Variants in R3HDM1 observed in about 807,000 individuals in gnomAD.
R3HDM1 encodes R3H domain containing 1, also known as R3H domain-containing protein 1.
A neutral mutation model predicts 141.1 loss-of-function variants in R3HDM1; 46 were observed. That is an observed-to-expected ratio of 0.33 (90% CI 0.26 to 0.42). R3HDM1 has a LOEUF of 0.42. Among genes scored for constraint, R3HDM1 ranks in the 10% least tolerant of loss-of-function variants. R3HDM1 has a pLI of 1.00. For missense variants in R3HDM1, 1,184 were observed against 1,368.3 expected (o/e 0.87, Z 2.12); for synonymous variants, 435 against 472.9 (o/e 0.92, Z 1.04).
At chr2:135,704,760 C>CT (rs1203378542) in intron 21 of R3HDM1, among the ~76,000 whole-genome samples, 2 of 152,104 alleles carry the variant, frequency 1.3e-5, no homozygotes, top group Non-Finnish European at 2.9e-5. Context: ...CACCCAGCCT[C>CT]TTACAGAGTT....
At chr2:135,655,894 G>T (rs1202995826) in intron 18 of R3HDM1, among the ~76,000 whole-genome samples, 2 of 152,120 alleles carry the variant, frequency 1.3e-5, no homozygotes, top group Non-Finnish European at 2.9e-5. Flanking sequence ...AAGACCTTTG[G>T]AGTGTTGATA....
At chr2:135,642,935 C>T (rs2063957863) in intron 15 of R3HDM1, among the ~76,000 whole-genome samples, 1 of 152,098 alleles carries the variant, frequency 6.6e-6, no homozygotes, top group Non-Finnish European at 1.5e-5. Context: ...TATTATGTTA[C>T]TAACATTCCT....
intron 1 of R3HDM1, among the ~76,000 whole-genome samples, chr2:135,545,388 G>A (rs532433285): frequency 2.4e-4 from 37 of 152,268 alleles, no homozygotes; most frequent in African/African-American, 7.5e-4. Flanking sequence ...GTTGAGGTTA[G>A]AACATGATGG....
chr2:135,637,189 G>A (rs965751511), intron 11 of R3HDM1, among the ~76,000 whole-genome samples: 5 of 152,158 alleles, frequency 3.3e-5, no homozygotes, highest in African/African-American at 4.8e-5. Context: ...ATAGAGACAT[G>A]AAGGTGTAAT....
intron 1 of R3HDM1, among the ~76,000 whole-genome samples, chr2:135,565,163 C>A (rs1281422109): frequency 6.6e-6 from 1 of 151,900 alleles, no homozygotes; most frequent in Non-Finnish European, 1.5e-5. Flanking sequence ...TCTTCCTGGT[C>A]TTCCTGGATC....
At chr2:135,565,473 C>T (rs910274783) in intron 1 of R3HDM1, among the ~76,000 whole-genome samples, 15 of 151,394 alleles carry the variant, frequency 9.9e-5, no homozygotes, top group Non-Finnish European at 2.1e-4. Flanking sequence ...ATGATAGGCA[C>T]GTGCCATTGC....
intron 1 of R3HDM1, among the ~76,000 whole-genome samples, chr2:135,533,497 G>C (rs1196908222): frequency 6.6e-6 from 1 of 152,200 alleles, no homozygotes; most frequent in East Asian, 1.9e-4. Context: ...CCTGGCTGTT[G>C]GATCCCTCCA....
intron 1 of R3HDM1, among the ~76,000 whole-genome samples, chr2:135,538,538 A>G (rs1249113718): frequency 3.3e-5 from 5 of 152,126 alleles, no homozygotes; most frequent in African/African-American, 1.2e-4. Flanking sequence ...TAAAATAGAC[A>G]TATTATAGCT....
At chr2:135,535,652 G>A (rs936160231) in intron 1 of R3HDM1, among the ~76,000 whole-genome samples, 1 of 151,952 alleles carries the variant, frequency 6.6e-6, no homozygotes, top group African/African-American at 2.4e-5. Context: ...TTCCCATAAT[G>A]TTTAGTAATA....
intron 21 of R3HDM1, among the ~76,000 whole-genome samples, chr2:135,692,591 CA>C (rs574533314): frequency 1.3e-5 from 2 of 150,944 alleles, no homozygotes; most frequent in African/African-American, 4.9e-5. Context: ...GACTCGGTCT[CA>C]AAAAAAATAA....
At chr2:135,567,355 C>T (rs1444308150) in intron 1 of R3HDM1, among the ~76,000 whole-genome samples, 2 of 152,174 alleles carry the variant, frequency 1.3e-5, no homozygotes, top group Admixed American at 1.3e-4. Context: ...ACAGTAACTT[C>T]ATTTTTCCCA....
rs115636787 is a variant in R3HDM1, at chr2:135,604,943, T to C, written c.98T>C (p.Ile33Thr). The change falls in exon 3 of 27, where the codon ATC becomes ACC. Residue 33 changes from isoleucine to threonine, a missense_variant. Transcript: ENST00000683871. ...GATACAACCAGAGTTGAAAATCTTA[T>C]CAAATCAGAAAACTATGGGAAGATT... is the stretch of plus-strand genomic sequence containing the variant. ...VKDTTRVENL[I>T]KSENYGKILV... 758 of 1,612,458 alleles carry C rather than the reference T, an allele frequency of 4.7e-4. 3 individuals are homozygous for C. Among genetic ancestry groups the C allele is most frequent in the Middle Eastern group, 6.6e-4 (4 of 6,056 alleles).
chr2:135,547,180 G>C (rs901006114), intron 1 of R3HDM1, among the ~76,000 whole-genome samples: 8 of 152,136 alleles, frequency 5.3e-5, no homozygotes, highest in African/African-American at 1.9e-4. Flanking sequence ...AACTGAGCCT[G>C]TGTAGAACTT....
chr2:135,639,011 C>T lies in R3HDM1; in HGVS notation c.1108C>T (p.Arg370Ter). The change falls in exon 14 of 27, where the codon CGA (arginine) becomes TGA (stop). Residue 370 changes from arginine to a stop codon, truncating the protein, a stop_gained. Coordinates refer to ENST00000683871, the MANE Select transcript of R3HDM1 (RefSeq NM_001378107.1). LOFTEE classifies it high-confidence loss of function. ...CAGCACAGATTCAGACAGCTCTCTTCGAAACCTGAAACCTGCTGTAACCAA... is the reference window on the plus strand; with the variant it reads ...CAGCACAGATTCAGACAGCTCTCTTTGAAACCTGAAACCTGCTGTAACCAA... ...WSSTDSDSSLRNLKPAVTKAS... is the reference protein window; with the variant it reads ...WSSTDSDSSL The T allele has an allele frequency of 1.9e-6, 3 of 1,614,146 alleles. No homozygotes were observed. The highest frequency in any genetic ancestry group is 2.5e-6 in the Non-Finnish European group (3 of 1,180,016).
At chr2:135,661,069 ATGAT>A (rs768645871) in intron 18 of R3HDM1, among the ~76,000 whole-genome samples, 197 bp from the exon 19 acceptor site, 2 of 151,926 alleles carry the variant, frequency 1.3e-5, no homozygotes, top group East Asian at 3.9e-4. Flanking sequence ...AAATCTAAAT[ATGAT>A]TGATGACACA....
intron 23 of R3HDM1, among the ~76,000 whole-genome samples, chr2:135,714,332 G>C (rs1399298392): frequency 6.6e-6 from 1 of 152,094 alleles, no homozygotes; most frequent in African/African-American, 2.4e-5. Flanking sequence ...GGAGACAGCA[G>C]ACAAACCCAA....
At chr2:135,654,002 A>T (rs1236236506) in intron 18 of R3HDM1, among the ~76,000 whole-genome samples, 2 of 152,162 alleles carry the variant, frequency 1.3e-5, no homozygotes, top group Non-Finnish European at 2.9e-5. Context: ...AACCATTTTT[A>T]TGTGAACATT....
intron 1 of R3HDM1, among the ~76,000 whole-genome samples, chr2:135,536,177 T>C (rs1696062394): frequency 6.6e-6 from 1 of 152,154 alleles, no homozygotes; most frequent in African/African-American, 2.4e-5. Context: ...ATTCACCCTG[T>C]CACCCAGACT....
At chr2:135,604,642 T>A (rs1345850316) in intron 2 of R3HDM1, among the ~76,000 whole-genome samples, 164 bp from the exon 3 acceptor site, 1 of 152,188 alleles carries the variant, frequency 6.6e-6, no homozygotes, top group Non-Finnish European at 1.5e-5. Flanking sequence ...ATCTTTTTTT[T>A]AATTTGGATG....
Sources: allele counts gnomAD v4.1 joint callset (sites outside exome capture counted in the v4.1 genomes callset), GRCh38; gene constraint gnomAD v4.1.1; transcripts MANE v1.5; gene names NCBI Gene and HGNC (gene_info 2026-07-23, HGNC 2026-07-21).